The following KCNIP1 variants were observed in gnomAD, a reference collection of about 807,000 sequenced individuals.
KCNIP1 encodes the protein A-type potassium channel modulatory protein KCNIP1.
A neutral mutation model predicts 33.0 loss-of-function variants in KCNIP1; 18 were observed. That is an observed-to-expected ratio of 0.55 (90% CI 0.38 to 0.81). The LOEUF is 0.81. KCNIP1 is among the 30% of genes least tolerant of loss of function. KCNIP1 has a pLI of 0.00. For synonymous variants in KCNIP1, 93 were observed against 98.3 expected (o/e 0.95, Z 0.32); for missense variants, 238 against 271.6 (o/e 0.88, Z 0.87).
chr5:170,549,827 A>G lies in KCNIP1; in HGVS notation c.61+45194A>G, dbSNP rs185784578. Among the ~76,000 whole-genome samples the G allele has an allele frequency of 6.6e-5, 10 of 152,362 alleles. No homozygotes were observed. The East Asian group carries it at 1.7e-3, about 26-fold the overall frequency. On this transcript the variant is annotated intron_variant, in intron 1 of 7. Transcript: ENST00000328939. ...TATGTGTGACCACAGAAATAGAAGG[A>G]ACTTGGAGGAGTAATAATTCATTTT... is the stretch of plus-strand genomic sequence containing the variant.
chr5:170,439,936 G>A lies in KCNIP1; in HGVS notation c.88+85972G>A, dbSNP rs188844835. On this transcript the variant is annotated intron_variant, in intron 1 of 7. Transcript: ENST00000377360. ...TGGCTGTCCACAGGCGGCCATCCCCGTGCCACAGGCTGAGTTCTGTCTTCC... is the reference window on the plus strand; with the variant it reads ...TGGCTGTCCACAGGCGGCCATCCCCATGCCACAGGCTGAGTTCTGTCTTCC... 7.6e-3 allele frequency among the ~76,000 whole-genome samples: 1,158 copies of A among 152,284 alleles called. 17 individuals carry two copies. The highest frequency in any genetic ancestry group is 0.027 in the African/African-American group (1,110 of 41,558).
chr5:170,583,709 C>G (rs1353780901), intron 1 of KCNIP1, among the ~76,000 whole-genome samples: 1 of 152,194 alleles, frequency 6.6e-6, no homozygotes, highest in Non-Finnish European at 1.5e-5. Context: ...TCACCCACCC[C>G]CGAGGCAATG....
At chr5:170,502,542 T>C (rs990277394), upstream of KCNIP1, among the ~76,000 whole-genome samples, 2 of 152,198 alleles carry the variant, frequency 1.3e-5, no homozygotes, top group Non-Finnish European at 2.9e-5. Context: ...TGTGTTTGTG[T>C]GTCTCTCCAC....
In KCNIP1 at chr5:170,639,974, C is replaced by A. The variant is rs146511836; in HGVS notation, c.62-78784C>A. 3.4e-3 allele frequency among the ~76,000 whole-genome samples: 523 copies of A among 152,364 alleles called. 1 individual carries two copies. The highest frequency in any genetic ancestry group is 0.01 in the African/African-American group (420 of 41,588). ...TCAGGAAGAACCTGGGCTCCTTCTG[C>A]CTTCTTGTTCTGCCAATATCACCCC... On this transcript the variant is annotated intron_variant, in intron 1 of 7. Coordinates refer to ENST00000328939, the MANE Select transcript of KCNIP1 (RefSeq NM_014592.4).
intron 1 of KCNIP1, among the ~76,000 whole-genome samples, chr5:170,541,222 T>G (rs1229491318): frequency 2.0e-5 from 3 of 152,180 alleles, no homozygotes; most frequent in Non-Finnish European, 4.4e-5. Flanking sequence ...CAGCTGCCTC[T>G]GATTCTTCAT....
intron 1 of KCNIP1, among the ~76,000 whole-genome samples, chr5:170,358,271 G>A (rs954942331): frequency 1.3e-5 from 2 of 152,222 alleles, no homozygotes; most frequent in African/African-American, 2.4e-5. Context: ...GGCTGCGGGG[G>A]TGGGGAAAAG....
chr5:170,598,910 T>TGTGTGA (rs1758574794), intron 1 of KCNIP1, among the ~76,000 whole-genome samples: 2 of 140,736 alleles, frequency 1.4e-5, no homozygotes, highest in African/African-American at 5.2e-5. Context: ...TGCGCGTGTG[T>TGTGTGA]GTGTGTGTGT....
At chr5:170,474,832 A>G (rs1329584590) in intron 1 of KCNIP1, among the ~76,000 whole-genome samples, 3 of 152,190 alleles carry the variant, frequency 2.0e-5, no homozygotes, top group African/African-American at 2.4e-5. Context: ...GGTGGCAAGG[A>G]CCCAAAGAGT....
intron 1 of KCNIP1, among the ~76,000 whole-genome samples, chr5:170,598,906 T>C (rs865957034): frequency 0.018 from 2,366 of 130,110 alleles, 31 homozygotes; most frequent in Non-Finnish European, 0.026. Flanking sequence ...TGTGTGCGCG[T>C]GTGTGTGTGT....
chr5:170,708,920 G>C (rs1763353365), intron 1 of KCNIP1, among the ~76,000 whole-genome samples: 1 of 152,118 alleles, frequency 6.6e-6, no homozygotes, highest in African/African-American at 2.4e-5. Context: ...AAAAGAAATT[G>C]AACTATATTG....
chr5:170,668,135 T>C (rs1761776524), intron 1 of KCNIP1, among the ~76,000 whole-genome samples: 1 of 152,222 alleles, frequency 6.6e-6, no homozygotes, highest in Non-Finnish European at 1.5e-5. Flanking sequence ...CTGCATCCCT[T>C]TTCCCTGAAG....
intron 1 of KCNIP1, among the ~76,000 whole-genome samples, chr5:170,566,365 T>A (rs1178640428): frequency 6.6e-6 from 1 of 152,226 alleles, no homozygotes; most frequent in Non-Finnish European, 1.5e-5. Context: ...AGTGCTGGGA[T>A]TACAGGCGTT....
chr5:170,688,758 C>T (rs147182193), intron 1 of KCNIP1, among the ~76,000 whole-genome samples: 5 of 152,128 alleles, frequency 3.3e-5, no homozygotes, highest in Admixed American at 3.3e-4. Flanking sequence ...GAGGGAGAGC[C>T]CTAAGATTTT....
At chr5:170,578,178 G>A (rs981349054) in intron 1 of KCNIP1, among the ~76,000 whole-genome samples, 1 of 152,248 alleles carries the variant, frequency 6.6e-6, no homozygotes, top group Non-Finnish European at 1.5e-5. Flanking sequence ...ACAACAGAGT[G>A]AGAAGGGGGG....
intron 1 of KCNIP1, among the ~76,000 whole-genome samples, chr5:170,374,465 C>A (rs993388182): frequency 2.6e-5 from 4 of 152,164 alleles, no homozygotes; most frequent in African/African-American, 2.4e-5. Flanking sequence ...AGCTGAAGCT[C>A]TGTCTGAGAC....
intron 1 of KCNIP1, among the ~76,000 whole-genome samples, chr5:170,493,605 C>T (rs760388231): frequency 6.6e-6 from 1 of 152,282 alleles, no homozygotes; most frequent in South Asian, 2.1e-4. Context: ...GGTCAGCTCA[C>T]CAGGGCACCC....
chr5:170,477,435 T>C (rs970624800), intron 1 of KCNIP1, among the ~76,000 whole-genome samples: 6 of 152,064 alleles, frequency 3.9e-5, no homozygotes, highest in Admixed American at 1.3e-4. Context: ...TGTTTTGTTT[T>C]GTTTTGTTTA....
At chr5:170,384,976 A>T (rs1402273331) in intron 1 of KCNIP1, among the ~76,000 whole-genome samples, 1 of 152,250 alleles carries the variant, frequency 6.6e-6, no homozygotes, top group East Asian at 1.9e-4. Flanking sequence ...AGCTGTAAAC[A>T]TCTGCAATTC....
intron 1 of KCNIP1, among the ~76,000 whole-genome samples, chr5:170,602,710 T>C (rs1196382050): frequency 6.6e-6 from 1 of 152,084 alleles, no homozygotes; most frequent in Admixed American, 6.5e-5. Flanking sequence ...GGAAGAAGCA[T>C]CACCACAGGC....
Sources: allele counts gnomAD v4.1 joint callset (sites outside exome capture counted in the v4.1 genomes callset), GRCh38; gene constraint gnomAD v4.1.1; transcripts MANE v1.5; gene names NCBI Gene and HGNC (gene_info 2026-07-23, HGNC 2026-07-21).